ADCY10: variants seen among roughly 807,000 people sequenced by gnomAD.
ADCY10 encodes the protein adenylate cyclase 10.
A neutral mutation model predicts 183.3 loss-of-function variants in ADCY10; 156 were observed. The ratio of observed to expected loss-of-function variants is 0.85; its 90% confidence interval spans 0.75 to 0.97. ADCY10 has a LOEUF of 0.97. Ranked by LOEUF, ADCY10 falls within the 50% of genes least tolerant of loss-of-function variation. ADCY10 has a pLI of 0.00. For missense variants in ADCY10, 1,745 were observed against 1,934.3 expected, an observed-to-expected ratio of 0.90 and a Z score of 1.84; for synonymous variants, 645 against 670.0, an observed-to-expected ratio of 0.96 and a Z score of 0.58.
intron 8 of ADCY10, among the ~76,000 whole-genome samples, chr1:167,890,946 T>C (rs555679933): frequency 1.1e-4 from 17 of 152,120 alleles, no homozygotes; most frequent in Admixed American, 1.0e-3. Flanking sequence ...TCATCCAACA[T>C]TTATTTATTT....
rs1665886944 is a variant in ADCY10, at chr1:167,856,289, C to A, written c.2047G>T (p.Ala683Ser). The A allele has an allele frequency of 6.2e-7, 1 of 1,613,742 alleles. No individual in the cohort carries two copies. The highest frequency in any genetic ancestry group is 1.7e-5 in the Admixed American group (1 of 59,960). Reference protein sequence around the residue: ...CPFVNIPCAAARAVIKNRNTT... With the variant: ...CPFVNIPCAASRAVIKNRNTT... ...TTCCTGTTCTTTATTACGGCCCTGG[C>A]AGCTGCACAGGGAATGTTAACGAAG... Residue 683 changes from alanine to serine, a missense_variant, in exon 17 of 33, where the codon GCC becomes TCC. Coordinates refer to ENST00000367851, the MANE Select transcript of ADCY10 (RefSeq NM_018417.6).
chr1:167,849,475 G>A (rs1025762439), intron 18 of ADCY10, among the ~76,000 whole-genome samples: 1 of 152,182 alleles, frequency 6.6e-6, no homozygotes, highest in African/African-American at 2.4e-5. Context: ...TACACTAAGA[G>A]CTGGACTGCC....
intron 26 of ADCY10, among the ~76,000 whole-genome samples, chr1:167,828,198 A>T (rs1663456809): frequency 1.3e-5 from 2 of 152,258 alleles, no homozygotes; most frequent in Admixed American, 1.3e-4. Flanking sequence ...TTTTTCATAG[A>T]AATGTAAATA....
chr1:167,869,453 T>C (rs1483985805), intron 14 of ADCY10, among the ~76,000 whole-genome samples: 1 of 152,104 alleles, frequency 6.6e-6, no homozygotes, highest in African/African-American at 2.4e-5. Context: ...CCCTCTCATA[T>C]TGTTTTATAT....
intron 5 of ADCY10, 67 bp from the exon 6 acceptor site, chr1:167,899,695 T>G: frequency 6.7e-7 from 1 of 1,496,684 alleles, no homozygotes; most frequent in Non-Finnish European, 9.2e-7. Flanking sequence ...GCACAGGTTT[T>G]TGGAAAAACC....
At chr1:167,854,914 T>C (rs1243493022) in intron 17 of ADCY10, among the ~76,000 whole-genome samples, 1 of 152,158 alleles carries the variant, frequency 6.6e-6, no homozygotes, top group Non-Finnish European at 1.5e-5. Context: ...GAGCCTTTGT[T>C]CAAGACATCT....
At chr1:167,810,162 G>T (rs1233209383) in intron 32 of ADCY10, among the ~76,000 whole-genome samples, 2 of 152,160 alleles carry the variant, frequency 1.3e-5, no homozygotes, top group Non-Finnish European at 2.9e-5. Flanking sequence ...AGTGGAAAGT[G>T]GCCACAAAGA....
intron 8 of ADCY10, among the ~76,000 whole-genome samples, chr1:167,888,893 A>AAAAAAAG (rs1668420479): frequency 6.6e-6 from 1 of 151,406 alleles, no homozygotes; most frequent in African/African-American, 2.4e-5. Context: ...AAAAAAAAGA[A>AAAAAAAG]AAAGAAAGAA....
chr1:167,830,913 C>A (rs1330734023), intron 25 of ADCY10, among the ~76,000 whole-genome samples: 1 of 152,186 alleles, frequency 6.6e-6, no homozygotes, highest in African/African-American at 2.4e-5. Flanking sequence ...TCTCACCTAT[C>A]TGTGACCTGG....
chr1:167,816,600 G>GAAC (rs1447717822), intron 31 of ADCY10, among the ~76,000 whole-genome samples: 1 of 151,996 alleles, frequency 6.6e-6, no homozygotes, highest in African/African-American at 2.4e-5. Flanking sequence ...TTCTATAAAG[G>GAAC]AACAACAACA....
chr1:167,832,824 G>A (rs1192544666), intron 25 of ADCY10, among the ~76,000 whole-genome samples, 163 bp downstream of exon 25: 1 of 152,142 alleles, frequency 6.6e-6, no homozygotes, highest in Non-Finnish European at 1.5e-5. Flanking sequence ...ACCCTGGTAT[G>A]GGAGCACCTC....
Position 167,901,801 on chromosome 1 carries a change from A to G in ADCY10, c.297T>C (p.Asp99=). 1.9e-6 allele frequency: 3 copies of G among 1,614,218 alleles called. 1 individual carries two copies. The South Asian group carries it at 3.3e-5, about 18-fold the overall frequency. The change falls in exon 5 of 33, where the codon GAT becomes GAC. Residue 99 remains aspartate (D), a synonymous_variant. Transcript: ENST00000367851. ...FGGDILKFAG[D]ALLALWRVER... ...CCACCCTCCACAGGGCTAGCAGTGC[A>G]TCACCTTCAGAGAGAGACATGCCGC...
At chr1:167,899,137 G>T (rs370574764) in intron 6 of ADCY10, among the ~76,000 whole-genome samples, 3 of 152,096 alleles carry the variant, frequency 2.0e-5, no homozygotes, top group Non-Finnish European at 4.4e-5. Context: ...GACCCTTCTG[G>T]TTCCTTAAGC....
At chr1:167,832,866 G>T in intron 25 of ADCY10, 121 bp downstream of exon 25, 1 of 1,046,752 alleles carries the variant, frequency 9.6e-7, no homozygotes, top group Non-Finnish European at 1.4e-6. Context: ...TGAATGGTCA[G>T]AGCCAAACAG....
At chr1:167,912,249 T>C (rs1249436600) in intron 1 of ADCY10, among the ~76,000 whole-genome samples, 1 of 152,224 alleles carries the variant, frequency 6.6e-6, no homozygotes, top group Non-Finnish European at 1.5e-5. Context: ...TTTTCATTTT[T>C]TAAAGCATCT....
intron 31 of ADCY10, among the ~76,000 whole-genome samples, chr1:167,813,501 C>T (rs151228018): frequency 7.2e-4 from 109 of 151,482 alleles, no homozygotes; most frequent in African/African-American, 1.8e-3. Context: ...AAAATGCCCA[C>T]GCCTTAAAAA....
At position 167,833,014 on chromosome 1, in the gene ADCY10, C is replaced by T. The variant is rs766777486; in HGVS notation, c.3566G>A (p.Arg1189Gln). ...EKNRHFHYVN[R>Q]QAQESPPPGK... ...TGGAGGTGGGCTCTCTTGGGCCTGC[C>T]GATTCACATAATGAAAGTGTCTGTT... The change falls in exon 25 of 33, where the codon CGG (arginine) becomes CAG (glutamine). Residue 1189 changes from arginine (R) to glutamine (Q), a missense_variant. Transcript: ENST00000367851. The T allele has an allele frequency of 1.2e-6, 2 of 1,613,944 alleles. No individual in the cohort carries two copies. Among genetic ancestry groups the T allele is most frequent in the Non-Finnish European group, 8.5e-7 (1 of 1,179,964 alleles).
rs190223456 is a variant in ADCY10 at position 167,825,058 on chromosome 1, C to G, written c.3751-203G>C. Among the ~76,000 whole-genome samples the G allele has an allele frequency of 2.1e-3, 321 of 152,322 alleles. 2 individuals carry two copies. The highest frequency in any genetic ancestry group is 7.5e-3 in the African/African-American group (310 of 41,560). On this transcript the variant is annotated intron_variant, in intron 26 of 32. Transcript: ENST00000367851. ...GAGTCATTCAGGATAAGCTTGATGG[C>G]CCCTTGCCCATGTAGTCCTTAAATG...
At chr1:167,875,060 C>T in intron 13 of ADCY10, 71 bp downstream of exon 13, 1 of 1,199,794 alleles carries the variant, frequency 8.3e-7, no homozygotes, top group Non-Finnish European at 1.2e-6. Context: ...GCACAGTTAT[C>T]ATTGATGTAC....
Sources: gnomAD v4.1 joint callset for allele counts (sites outside exome capture counted in the v4.1 genomes callset) on GRCh38, gnomAD v4.1.1 for gene constraint, MANE v1.5 for transcripts, NCBI Gene and HGNC (gene_info 2026-07-23, HGNC 2026-07-21) for gene names.